The following HS3ST5 variants were observed in gnomAD, a reference collection of about 807,000 sequenced individuals.
HS3ST5 encodes the protein heparan sulfate-glucosamine 3-sulfotransferase 5, also known as heparan sulfate glucosamine 3-O-sulfotransferase 5.
In HS3ST5, 10 loss-of-function variants were observed where a neutral mutation model predicts 25.4. The ratio of observed to expected loss-of-function variants is 0.39; its 90% CI spans 0.24 to 0.67. HS3ST5 has a LOEUF of 0.67. Ranked by LOEUF, HS3ST5 falls within the 30% of genes least tolerant of loss-of-function variation. HS3ST5 has a pLI of 0.44. For missense variants in HS3ST5, 324 were observed against 420.7 expected (o/e 0.77, Z 2.01); for synonymous variants, 170 against 162.4 (o/e 1.05, Z -0.36).
chr6:114,278,040 C>A (rs924729707), intron 1 of HS3ST5, among the ~76,000 whole-genome samples: 3 of 151,892 alleles, frequency 2.0e-5, no homozygotes, highest in Non-Finnish European at 4.4e-5. Flanking sequence ...TTTGAGGGGG[C>A]AGGTTAGTGG....
At chr6:114,244,472 TC>T (rs1156655283) in intron 1 of HS3ST5, among the ~76,000 whole-genome samples, 1 of 152,190 alleles carries the variant, frequency 6.6e-6, no homozygotes, top group African/African-American at 2.4e-5. Flanking sequence ...TTTCATAGGT[TC>T]TTCTCAGGAT....
At chr6:114,241,061 G>A (rs1293116499) in intron 1 of HS3ST5, among the ~76,000 whole-genome samples, 1 of 150,664 alleles carries the variant, frequency 6.6e-6, no homozygotes, top group Non-Finnish European at 1.5e-5. Context: ...AAATCACAAG[G>A]TGATTCATAC....
chr6:114,075,918 C>T (rs1006284733), intron 3 of HS3ST5, among the ~76,000 whole-genome samples: 1 of 152,086 alleles, frequency 6.6e-6, no homozygotes, highest in African/African-American at 2.4e-5. Context: ...CCTTCAAGAA[C>T]GTGGTAGCTC....
At chr6:114,082,179 C>A (rs1219900137) in intron 3 of HS3ST5, among the ~76,000 whole-genome samples, 1 of 152,276 alleles carries the variant, frequency 6.6e-6, no homozygotes, top group Middle Eastern at 3.4e-3. Context: ...GAAATATTTT[C>A]CTTAATTTCT....
At chr6:114,063,886 C>T (rs1350174069) in intron 3 of HS3ST5, among the ~76,000 whole-genome samples, 1 of 152,124 alleles carries the variant, frequency 6.6e-6, no homozygotes, top group Non-Finnish European at 1.5e-5. Context: ...TGAATTTAGA[C>T]AGGTTTGGTG....
chr6:114,192,926 T>G (rs897243730), intron 2 of HS3ST5, among the ~76,000 whole-genome samples: 10 of 152,208 alleles, frequency 6.6e-5, no homozygotes, highest in African/African-American at 2.4e-4. Flanking sequence ...ATCCATGCAT[T>G]TCATAGAAGG....
Position 114,342,853 on chromosome 6 carries a change from C to T in HS3ST5, c.-997G>A, listed in dbSNP as rs536635754. ...CAAGCTGTGCGGGCGCCCCGCTCCC[C>T]GCGGCTGGCGCTGTCACGGCCGCCG... On this transcript the variant is annotated 5_prime_UTR_variant, in exon 1 of 5. Transcript: ENST00000312719. The T allele has an allele frequency of 6.5e-6, 1 of 152,882 alleles. No individual in the cohort carries two copies. Among genetic ancestry groups the T allele is most frequent in the African/African-American group, 2.4e-5 (1 of 41,454 alleles). 9.5% of individuals were successfully genotyped at this position (152,882 alleles called of 1,614,324 possible). A position where few individuals can be genotyped will look rare whatever the true frequency, so the allele number is the denominator to read the frequency against.
chr6:114,315,951 C>T (rs904451271), intron 1 of HS3ST5, among the ~76,000 whole-genome samples: 2 of 152,108 alleles, frequency 1.3e-5, no homozygotes, highest in Non-Finnish European at 2.9e-5. Flanking sequence ...GAGTTTACTG[C>T]GCCTCACTGG....
intron 2 of HS3ST5, among the ~76,000 whole-genome samples, chr6:114,172,855 A>G (rs563379469): frequency 6.6e-6 from 1 of 152,338 alleles, no homozygotes; most frequent in African/African-American, 2.4e-5. Flanking sequence ...TAAGTCTGAA[A>G]AGAATCCATT....
intron 1 of HS3ST5, among the ~76,000 whole-genome samples, chr6:114,240,933 G>A (rs1398146037): frequency 6.6e-6 from 1 of 152,014 alleles, no homozygotes; most frequent in East Asian, 1.9e-4. Context: ...TTTTGCCCAA[G>A]GAACAATGAA....
At chr6:114,150,318 A>G (rs1292074660) in intron 3 of HS3ST5, among the ~76,000 whole-genome samples, 2 of 152,204 alleles carry the variant, frequency 1.3e-5, no homozygotes, top group African/African-American at 4.8e-5. Context: ...AAAAAACACC[A>G]TTGAGCTCTA....
chr6:114,087,689 ACTTTCT>A (rs1774909104), intron 3 of HS3ST5, among the ~76,000 whole-genome samples: 1 of 152,170 alleles, frequency 6.6e-6, no homozygotes, highest in Admixed American at 6.5e-5. Flanking sequence ...ATTGCTCACT[ACTTTCT>A]CTTTAATTGG....
At chr6:114,340,379 T>C (rs1297118764) in intron 1 of HS3ST5, 2 of 152,160 alleles carry the variant, frequency 1.3e-5, no homozygotes, top group African/African-American at 4.8e-5. Context: ...GAAAAAAGAG[T>C]GTTTCTAAAA....
intron 1 of HS3ST5, among the ~76,000 whole-genome samples, chr6:114,269,327 A>G (rs1381646074): frequency 6.6e-6 from 1 of 152,168 alleles, no homozygotes; most frequent in East Asian, 1.9e-4. Flanking sequence ...TCCTGTTTCT[A>G]TCATATTATG....
At chr6:114,126,219 A>C (rs899398990) in intron 3 of HS3ST5, among the ~76,000 whole-genome samples, 4 of 152,208 alleles carry the variant, frequency 2.6e-5, no homozygotes, top group Non-Finnish European at 5.9e-5. Context: ...GTTTTTAAAA[A>C]GAGTGAAAAT....
chr6:114,071,143 C>G (rs529529988), intron 3 of HS3ST5, among the ~76,000 whole-genome samples: 3 of 152,316 alleles, frequency 2.0e-5, no homozygotes, highest in South Asian at 2.1e-4. Flanking sequence ...AAGCCATGAT[C>G]AGTTTTGCTT....
intron 3 of HS3ST5, among the ~76,000 whole-genome samples, chr6:114,121,268 G>A (rs1199431126): frequency 6.6e-6 from 1 of 152,094 alleles, no homozygotes; most frequent in African/African-American, 2.4e-5. Flanking sequence ...AAATCTCCAC[G>A]TGGGAGGTTT....
chr6:114,057,365 G>A lies in HS3ST5; in HGVS notation c.933C>T (p.Arg311=). 1 of 1,614,092 alleles carries A rather than the reference G, an allele frequency of 6.2e-7. No individual in the cohort carries two copies. The highest frequency in any genetic ancestry group is 8.5e-7 in the Non-Finnish European group (1 of 1,179,990). ...FNKCLAGSKG[R]IHPEVDPSVI... ...CAGAGGGGTCCACCTCTGGATGAAT[G>A]CGCCCCTTGCTGCCCGCCAGGCACT... is the stretch of plus-strand genomic sequence containing the variant. Residue 311 remains arginine, a synonymous_variant, in exon 5 of 5, where the codon CGC becomes CGT. Transcript: ENST00000312719.
intron 2 of HS3ST5, among the ~76,000 whole-genome samples, chr6:114,194,858 C>T (rs564904587): frequency 1.2e-4 from 19 of 152,344 alleles, no homozygotes; most frequent in South Asian, 6.2e-4. Context: ...AAAACCCTGT[C>T]CTATTTGTCC....
Sources: allele counts gnomAD v4.1 joint callset (sites outside exome capture counted in the v4.1 genomes callset), GRCh38; gene constraint gnomAD v4.1.1; transcripts MANE v1.5; gene names NCBI Gene and HGNC (gene_info 2026-07-23, HGNC 2026-07-21).